DOCK4: variants seen among roughly 807,000 people sequenced by gnomAD.
DOCK4 encodes dedicator of cytokinesis 4.
Under a neutral mutation model 268.1 loss-of-function variants are expected in DOCK4, and 97 were observed. That is an observed-to-expected ratio of 0.36 (90% CI 0.31 to 0.43). DOCK4 has a LOEUF of 0.43. DOCK4 is among the 20% of genes least tolerant of loss of function. The probability of loss-of-function intolerance (pLI) is 1.00; values close to 1 mark genes in which losing one functional copy is unlikely to be tolerated. For synonymous variants in DOCK4, 954 were observed against 887.2 expected, an observed-to-expected ratio of 1.08 and a Z score of -1.34; for missense variants, 2,145 against 2,455.7, an observed-to-expected ratio of 0.87 and a Z score of 2.67.
chr7:112,039,779 G>A (rs951753568), intron 1 of DOCK4, among the ~76,000 whole-genome samples: 1 of 151,906 alleles, frequency 6.6e-6, no homozygotes, highest in Admixed American at 6.6e-5. Context: ...GTTACTCCAC[G>A]TCTTTATTTC....
chr7:111,780,055 A>C (rs530299700), intron 35 of DOCK4, among the ~76,000 whole-genome samples: 1 of 152,328 alleles, frequency 6.6e-6, no homozygotes, highest in South Asian at 2.1e-4. Flanking sequence ...GAATTCTAAA[A>C]ACTTTTTAAA....
At chr7:112,179,235 A>C (rs1193389886) in intron 1 of DOCK4, among the ~76,000 whole-genome samples, 1 of 151,978 alleles carries the variant, frequency 6.6e-6, no homozygotes, top group Non-Finnish European at 1.5e-5. Flanking sequence ...AAAAAATAAA[A>C]ATTTTCCCGG....
intron 1 of DOCK4, among the ~76,000 whole-genome samples, chr7:112,162,184 G>GCT (rs1476994250): frequency 1.3e-5 from 2 of 152,146 alleles, no homozygotes; most frequent in Non-Finnish European, 2.9e-5. Context: ...AGAGAGCAGA[G>GCT]CTCTGGAGGA....
intron 11 of DOCK4, among the ~76,000 whole-genome samples, chr7:111,938,763 A>C (rs1199319960): frequency 6.6e-6 from 1 of 152,114 alleles, no homozygotes; most frequent in East Asian, 1.9e-4. Flanking sequence ...ATAATCATAT[A>C]AGAAGGTTAT....
intron 39 of DOCK4, among the ~76,000 whole-genome samples, chr7:111,763,138 C>T (rs1797560833): frequency 6.6e-6 from 1 of 151,820 alleles, no homozygotes; most frequent in Admixed American, 6.6e-5. Flanking sequence ...TATTTGAGTG[C>T]TAAAAATTAT....
intron 1 of DOCK4, among the ~76,000 whole-genome samples, chr7:112,048,390 A>C (rs988654299): frequency 0.027 from 1,970 of 72,518 alleles, 8 homozygotes; most frequent in Admixed American, 0.036. Context: ...CTAAAAATAC[A>C]AAAAAAAAAA....
At chr7:112,192,711 C>T (rs1358961744) in intron 1 of DOCK4, among the ~76,000 whole-genome samples, 5 of 152,170 alleles carry the variant, frequency 3.3e-5, no homozygotes, top group Non-Finnish European at 5.9e-5. Context: ...ACATTTCTAG[C>T]TCCTTCACTT....
intron 27 of DOCK4, among the ~76,000 whole-genome samples, chr7:111,817,674 CT>C (rs1295652367): frequency 6.6e-6 from 1 of 152,186 alleles, no homozygotes; most frequent in East Asian, 1.9e-4. Context: ...GGACATTGCT[CT>C]TTTAATTATC....
At chr7:111,790,848 G>A (rs1563509425) in intron 30 of DOCK4, among the ~76,000 whole-genome samples, 1 of 151,618 alleles carries the variant, frequency 6.6e-6, no homozygotes, top group African/African-American at 2.4e-5. Flanking sequence ...CACGAGGTCA[G>A]GAGATCGAGA....
chr7:111,804,491 A>C (rs543972668), intron 30 of DOCK4, among the ~76,000 whole-genome samples: 1 of 151,486 alleles, frequency 6.6e-6, no homozygotes, highest in African/African-American at 2.5e-5. Context: ...CACAAGATGA[A>C]AAGAGTTCTA....
rs969734424 is a variant in DOCK4 at position 111,913,563 on chromosome 7, C to A, written c.1192+2216G>T. On this transcript the variant is annotated intron_variant, in intron 13 of 52. Coordinates refer to ENST00000428084, the MANE Select transcript of DOCK4 (RefSeq NM_001363540.2). ...TAGCTGGGACTACAGGCGCCCGCCA[C>A]CACGCCCGGCTAATTTTTTGTATTT... Among the ~76,000 whole-genome samples, 59 of 151,824 alleles carry A rather than the reference C, an allele frequency of 3.9e-4. 1 individual carries two copies. The highest frequency in any genetic ancestry group is 1.4e-3 in the African/African-American group (58 of 41,382).
At chr7:112,128,027 G>C (rs115980695) in intron 1 of DOCK4, among the ~76,000 whole-genome samples, 1 of 152,066 alleles carries the variant, frequency 6.6e-6, no homozygotes, top group Non-Finnish European at 1.5e-5. Flanking sequence ...AGACTCTGTC[G>C]GGGGTGAGGG....
chr7:111,898,754 T>C (rs1006840971), intron 15 of DOCK4, among the ~76,000 whole-genome samples: 1 of 152,240 alleles, frequency 6.6e-6, no homozygotes. Context: ...CTTCTTTACA[T>C]TTTGCTGTTT....
intron 1 of DOCK4, among the ~76,000 whole-genome samples, chr7:112,092,555 T>C: frequency 6.6e-6 from 1 of 152,138 alleles, no homozygotes; most frequent in East Asian, 1.9e-4. Flanking sequence ...GGGTTCCTGC[T>C]TGACCTCACA....
In DOCK4 at chr7:111,728,728, G is replaced by A. The variant is rs1794847557; in HGVS notation, c.5482-8C>T. ...GAAAGACTGCACAGAGCCCTGCTCC[G>A]GGGAGAAGGAAACGAGAGGGAGACA... On this transcript the variant is annotated splice_region_variant and splice_polypyrimidine_tract_variant and intron_variant, in intron 52 of 52. Transcript: ENST00000428084. The A allele has an allele frequency of 6.3e-7, 1 of 1,598,064 alleles. No homozygotes were observed. Among genetic ancestry groups the A allele is most frequent in the Non-Finnish European group, 8.5e-7 (1 of 1,171,062 alleles).
chr7:111,955,149 CA>C (rs1796361310), intron 8 of DOCK4, among the ~76,000 whole-genome samples: 2 of 152,154 alleles, frequency 1.3e-5, no homozygotes, highest in Admixed American at 1.3e-4. Flanking sequence ...CATGAGAACA[CA>C]AATGACAGAG....
intron 1 of DOCK4, among the ~76,000 whole-genome samples, chr7:112,014,125 T>C (rs1432047746): frequency 2.6e-5 from 4 of 152,222 alleles, no homozygotes; most frequent in African/African-American, 7.2e-5. Context: ...AAGATAACAC[T>C]TTGCACTGGT....
At chr7:111,763,102 A>T (rs1364215909) in intron 39 of DOCK4, among the ~76,000 whole-genome samples, 1 of 146,796 alleles carries the variant, frequency 6.8e-6, no homozygotes, top group African/African-American at 2.7e-5. Flanking sequence ...AAAAATCCCT[A>T]CTTAGATCAT....
chr7:112,052,327 T>C (rs1286559839), intron 1 of DOCK4, among the ~76,000 whole-genome samples: 1 of 152,182 alleles, frequency 6.6e-6, no homozygotes, highest in African/African-American at 2.4e-5. Flanking sequence ...CATATACCTA[T>C]ATATTTTAAA....
Sources: allele counts gnomAD v4.1 joint callset (sites outside exome capture counted in the v4.1 genomes callset), GRCh38; gene constraint gnomAD v4.1.1; transcripts MANE v1.5; gene names NCBI Gene and HGNC (gene_info 2026-07-23, HGNC 2026-07-21).